RNF185: variants seen among roughly 807,000 people sequenced by gnomAD.
RNF185 encodes the protein ring finger protein 185.
RNF185 carries 13 observed loss-of-function variants against 24.9 expected under a neutral mutation model. The observed-to-expected ratio is 0.52, with a 90% CI of 0.34 to 0.83. RNF185 has a LOEUF of 0.83. Among genes scored for constraint, RNF185 ranks in the 40% least tolerant of loss-of-function variants. The pLI, the probability that RNF185 is intolerant of heterozygous loss-of-function variation, is 0.01. For synonymous variants in RNF185, 79 were observed against 90.3 expected (o/e 0.88, Z 0.71); for missense variants, 184 against 244.7 (o/e 0.75, Z 1.65).
intron 1 of RNF185, among the ~76,000 whole-genome samples, chr22:31,181,358 A>G (rs944964503): frequency 2.0e-5 from 3 of 152,104 alleles, no homozygotes; most frequent in African/African-American, 7.2e-5. Context: ...AAGAAAAAAA[A>G]AATACCTTTT....
chr22:31,171,156 C>CTTATTTATTTATTTATTTATTTAT lies in RNF185; in HGVS notation c.-49+10864_-49+10887dup, dbSNP rs55965706. Among the ~76,000 whole-genome samples the CTTATTTATTTATTTATTTATTTAT allele has an allele frequency of 5.9e-4, 84 of 143,234 alleles. 1 individual carries two copies. Among genetic ancestry groups the CTTATTTATTTATTTATTTATTTAT allele is most frequent in the African/African-American group, 1.9e-3 (72 of 38,638 alleles). The allele number at this position is 143,234 out of a possible 152,430, so 94.0% of individuals were successfully genotyped here. ...AGGAACCAGGACCTTCTCTGATTTACTTATTTATTTATTTATTTATTTATT... is the reference window on the plus strand; with the variant it reads ...AGGAACCAGGACCTTCTCTGATTTACTTATTTATTTATTTATTTATTTATTTATTTATTTATTTATTTATTTATT... On this transcript the variant is annotated intron_variant, in intron 1 of 6. Coordinates refer to ENST00000326132, the MANE Select transcript of RNF185 (RefSeq NM_152267.4).
chr22:31,170,569 A>T (rs1349306398), intron 1 of RNF185, among the ~76,000 whole-genome samples: 2 of 151,842 alleles, frequency 1.3e-5, no homozygotes, highest in African/African-American at 4.8e-5. Flanking sequence ...GGAGTGCGGT[A>T]GTATGATCTC....
intron 1 of RNF185, among the ~76,000 whole-genome samples, chr22:31,177,656 G>A (rs531429961): frequency 1.3e-5 from 2 of 152,200 alleles, no homozygotes; most frequent in Admixed American, 6.5e-5. Context: ...GCATGCCAGG[G>A]TTCCTGGCAG....
chr22:31,206,449 T>C lies in RNF185; in HGVS notation c.*1863T>C, dbSNP rs1027374335. The C allele has an allele frequency of 6.6e-6, 1 of 152,274 alleles. No individual in the cohort carries two copies. The highest frequency in any genetic ancestry group is 2.4e-5 in the African/African-American group (1 of 41,424). 9.4% of individuals were successfully genotyped at this position (152,274 alleles called of 1,614,324 possible). ...GGAGTGTCTCTTCTCTAGAGAGAAT[T>C]GGTGGGACCCCCCTCAGTGCAGTGG... On this transcript the variant is annotated 3_prime_UTR_variant, in exon 7 of 7. Transcript: ENST00000326132.
chr22:31,179,336 A>G (rs2048012470), intron 1 of RNF185, among the ~76,000 whole-genome samples: 5 of 152,162 alleles, frequency 3.3e-5, no homozygotes, highest in Admixed American at 6.5e-5. Flanking sequence ...TCAGTAGACA[A>G]TCCCCAGGGG....
intron 1 of RNF185, among the ~76,000 whole-genome samples, chr22:31,186,721 G>A (rs2048102481): frequency 6.6e-6 from 1 of 152,176 alleles, no homozygotes; most frequent in African/African-American, 2.4e-5. Flanking sequence ...GCATGTATTT[G>A]TCACCTGGGT....
chr22:31,203,754 G>A (rs2048285841), intron 6 of RNF185, among the ~76,000 whole-genome samples: 2 of 151,940 alleles, frequency 1.3e-5, no homozygotes, highest in Non-Finnish European at 1.5e-5. Flanking sequence ...AATTTTTTTT[G>A]GCTGGGCGCG....
chr22:31,175,743 A>G (rs772700142), intron 1 of RNF185, among the ~76,000 whole-genome samples: 98 of 152,306 alleles, frequency 6.4e-4, no homozygotes, highest in Non-Finnish European at 1.1e-3. Context: ...TGTTGTACCT[A>G]TTGAATTTTG....
intron 1 of RNF185, among the ~76,000 whole-genome samples, chr22:31,183,985 CCCGGACGGGGCAGCTGG>C (rs1400369318): frequency 7.1e-5 from 10 of 140,866 alleles, no homozygotes; most frequent in Admixed American, 2.9e-4. Flanking sequence ...GCCCCGAGCT[CCCGGACGGGGCAGCTGG>C]CCGGGCGGGG....
intron 1 of RNF185, among the ~76,000 whole-genome samples, chr22:31,163,002 G>C (rs916052750): frequency 7.9e-5 from 12 of 151,820 alleles, no homozygotes; most frequent in African/African-American, 2.9e-4. Flanking sequence ...CTGACCTCGT[G>C]ATCTGCCCGC....
At chr22:31,195,221 G>A (rs1171175821) in intron 3 of RNF185, among the ~76,000 whole-genome samples, 2 of 152,164 alleles carry the variant, frequency 1.3e-5, no homozygotes, top group Non-Finnish European at 2.9e-5. Context: ...CCAAAGCGCT[G>A]GGATTACAGG....
At chr22:31,166,056 G>C (rs372988359) in intron 1 of RNF185, among the ~76,000 whole-genome samples, 12 of 151,986 alleles carry the variant, frequency 7.9e-5, no homozygotes, top group African/African-American at 2.7e-4. Flanking sequence ...CAGTGGCACA[G>C]TGTTGACTCA....
intron 2 of RNF185, among the ~76,000 whole-genome samples, chr22:31,188,838 G>A (rs891985698): frequency 3.4e-5 from 5 of 148,564 alleles, no homozygotes; most frequent in African/African-American, 1.3e-4. Context: ...TATATATTCT[G>A]GGCTGGGCGC....
chr22:31,182,775 T>A (rs572836771), intron 1 of RNF185, among the ~76,000 whole-genome samples: 1 of 152,250 alleles, frequency 6.6e-6, no homozygotes, highest in African/African-American at 2.4e-5. Context: ...CCATGCTATT[T>A]ATTTTTTGTA....
At chr22:31,179,419 G>A (rs895189252) in intron 1 of RNF185, among the ~76,000 whole-genome samples, 1 of 152,192 alleles carries the variant, frequency 6.6e-6, no homozygotes, top group East Asian at 1.9e-4. Context: ...AAGGTGAGAA[G>A]AGGTGGCTCC....
chr22:31,175,664 G>C (rs1468454677), intron 1 of RNF185, among the ~76,000 whole-genome samples: 1 of 152,096 alleles, frequency 6.6e-6, no homozygotes, highest in African/African-American at 2.4e-5. Context: ...TAGTCAAGCA[G>C]TCTTGAAGGT....
chr22:31,202,607 C>CTTTTTTTT (rs71202049), intron 6 of RNF185, among the ~76,000 whole-genome samples: 7 of 83,770 alleles, frequency 8.4e-5, no homozygotes, highest in South Asian at 4.4e-4. Flanking sequence ...TTGGGAATGC[C>CTTTTTTTT]TTTTTTTTTT....
At position 31,206,007 on chromosome 22, in the gene RNF185, G is replaced by A. The variant is rs2048310900; in HGVS notation, c.*1421G>A. The A allele has an allele frequency of 6.5e-6, 1 of 154,666 alleles. No individual in the cohort carries two copies. Among genetic ancestry groups the A allele is most frequent in the South Asian group, 2.0e-4 (1 of 4,918 alleles). 9.6% of individuals were successfully genotyped at this position (154,666 alleles called of 1,614,324 possible). On this transcript the variant is annotated 3_prime_UTR_variant, in exon 7 of 7. Coordinates refer to ENST00000326132, the MANE Select transcript of RNF185 (RefSeq NM_152267.4). ...CCCAGAAATCCAGCCTCTTTCTGGAGACCCCAAAGCTGGAGGGAGATGGGC... is the reference window on the plus strand; with the variant it reads ...CCCAGAAATCCAGCCTCTTTCTGGAAACCCCAAAGCTGGAGGGAGATGGGC...
chr22:31,199,569 A>G (rs1254092686), intron 5 of RNF185, among the ~76,000 whole-genome samples: 1 of 152,214 alleles, frequency 6.6e-6, no homozygotes, highest in Non-Finnish European at 1.5e-5. Context: ...ATCCCACCAA[A>G]TGTATGGACT....
Sources: gnomAD v4.1 joint callset for allele counts (sites outside exome capture counted in the v4.1 genomes callset) on GRCh38, gnomAD v4.1.1 for gene constraint, MANE v1.5 for transcripts, NCBI Gene and HGNC (gene_info 2026-07-23, HGNC 2026-07-21) for gene names.